Variants in SPATA6L observed in about 807,000 individuals in gnomAD.
The protein encoded by SPATA6L is spermatogenesis associated 6-like protein.
A neutral mutation model predicts 49.2 loss-of-function variants in SPATA6L; 68 were observed. The observed-to-expected ratio is 1.38, with a 90% CI of 1.14 to 1.69. SPATA6L has a LOEUF of 1.69. SPATA6L is among the 40% of genes most tolerant of loss of function. The pLI is 0.00. For missense variants in SPATA6L, 668 were observed against 464.3 expected (o/e 1.44, Z -4.03); for synonymous variants, 198 against 165.7 (o/e 1.19, Z -1.50).
At chr9:4,606,482 G>C (rs301457) in intron 9 of SPATA6L, among the ~76,000 whole-genome samples, 1,693 of 38,860 alleles carry the variant, frequency 0.044, 483 homozygotes, top group Middle Eastern at 0.11. Context: ...TCAAGTGGGT[G>C]CCTGACCCCT....
chr9:4,646,242 G>T, intron 3 of SPATA6L: 1 of 309,112 alleles, frequency 3.2e-6, no homozygotes, highest in Admixed American at 4.8e-5. Context: ...ATTAAAAAAT[G>T]GAAAGACAAG....
At chr9:4,610,694 C>G (rs567814952) in intron 9 of SPATA6L, among the ~76,000 whole-genome samples, 12 of 152,220 alleles carry the variant, frequency 7.9e-5, no homozygotes, top group African/African-American at 2.4e-4. Flanking sequence ...CATAAAAACC[C>G]TAGAAGAAAA....
intron 11 of SPATA6L, among the ~76,000 whole-genome samples, chr9:4,603,275 C>T (rs1823823261): frequency 6.6e-6 from 1 of 151,994 alleles, no homozygotes; most frequent in East Asian, 1.9e-4. Flanking sequence ...ACTAAAAATA[C>T]AAAAATTAGC....
At chr9:4,660,418 GAC>G (rs1321438333) in intron 2 of SPATA6L, among the ~76,000 whole-genome samples, 3 of 152,168 alleles carry the variant, frequency 2.0e-5, no homozygotes, top group Non-Finnish European at 4.4e-5. Flanking sequence ...ACAGCCAACA[GAC>G]ACATGAAAAA....
chr9:4,625,228 A>C, intron 6 of SPATA6L, 99 bp downstream of exon 6: 1 of 1,477,948 alleles, frequency 6.8e-7, no homozygotes, highest in Non-Finnish European at 9.0e-7. Flanking sequence ...TTTTTATTGA[A>C]TATTATTCAT....
At chr9:4,649,676 G>A (rs1836362565) in intron 3 of SPATA6L, among the ~76,000 whole-genome samples, 1 of 152,182 alleles carries the variant, frequency 6.6e-6, no homozygotes, top group African/African-American at 2.4e-5. Context: ...TAGGATGCTT[G>A]ATAAAATAAC....
chr9:4,654,771 G>C (rs1837725606), intron 3 of SPATA6L, among the ~76,000 whole-genome samples: 4 of 152,142 alleles, frequency 2.6e-5, no homozygotes, highest in Admixed American at 2.6e-4. Context: ...TCGATGTCCA[G>C]CCGCTTCTGT....
At position 4,605,403 on chromosome 9, in the gene SPATA6L, G is replaced by T; in HGVS notation, c.1033C>A (p.His345Asn). The change falls in exon 10 of 12, where the codon CAT becomes AAT. Residue 345 changes from histidine (H) to asparagine (N), a missense_variant. Coordinates refer to ENST00000682582, the MANE Select transcript of SPATA6L (RefSeq NM_001353486.2). ...PGSQSTWKNI[H>N]ERVCSLLTSH... is the part of the protein sequence containing the mutation. ...GTCAGAAGACTGCATACCCTCTCAT[G>T]GATATTCTTCCATGTGGACTGAGAA... The T allele has an allele frequency of 5.6e-6, 9 of 1,614,126 alleles. No individual in the cohort carries two copies. Among genetic ancestry groups the T allele is most frequent in the South Asian group, 1.1e-5 (1 of 91,078 alleles).
intron 3 of SPATA6L, among the ~76,000 whole-genome samples, chr9:4,655,323 A>G (rs77798076): frequency 0.039 from 5,951 of 152,324 alleles, 149 homozygotes; most frequent in Non-Finnish European, 0.058. Flanking sequence ...TTCATATGAA[A>G]TATCCAGAAT....
intron 3 of SPATA6L, among the ~76,000 whole-genome samples, chr9:4,640,940 C>A (rs1833898391): frequency 6.6e-6 from 1 of 152,152 alleles, no homozygotes; most frequent in African/African-American, 2.4e-5. Flanking sequence ...TCTTTTCAAA[C>A]AACTATTCTT....
intron 9 of SPATA6L, among the ~76,000 whole-genome samples, chr9:4,612,353 C>T (rs536532155): frequency 4.6e-5 from 7 of 152,152 alleles, no homozygotes; most frequent in Non-Finnish European, 1.5e-5. Flanking sequence ...CCAAACTGAA[C>T]CATAGGTTTG....
chr9:4,645,927 T>C (rs1323956275), intron 3 of SPATA6L, among the ~76,000 whole-genome samples: 1 of 152,220 alleles, frequency 6.6e-6, no homozygotes, highest in Non-Finnish European at 1.5e-5. Flanking sequence ...CTGTCCAATC[T>C]TATGAACATA....
intron 6 of SPATA6L, among the ~76,000 whole-genome samples, chr9:4,623,796 C>T (rs549521649): frequency 1.1e-4 from 16 of 152,172 alleles, no homozygotes; most frequent in African/African-American, 2.9e-4. Context: ...TTGTATTTTA[C>T]AATAATTTAT....
chr9:4,634,684 G>A (rs188952283), intron 4 of SPATA6L, among the ~76,000 whole-genome samples: 75 of 152,264 alleles, frequency 4.9e-4, no homozygotes, highest in East Asian at 1.5e-3. Flanking sequence ...CAAGAAAATC[G>A]TCAGGGTTGC....
chr9:4,663,240 T>G (rs772266617), intron 1 of SPATA6L: 1 of 1,613,836 alleles, frequency 6.2e-7, no homozygotes, highest in Admixed American at 1.7e-5. Context: ...TCCGGTCCTC[T>G]TTTTACTGTG....
intron 3 of SPATA6L, among the ~76,000 whole-genome samples, chr9:4,653,438 G>C (rs1364598119): frequency 1.3e-5 from 2 of 152,190 alleles, no homozygotes; most frequent in African/African-American, 2.4e-5. Flanking sequence ...TCATGACCTT[G>C]AGTTAGGCAA....
chr9:4,646,669 A>G (rs75957026), intron 3 of SPATA6L: 319 of 414,854 alleles, frequency 7.7e-4, no homozygotes, highest in Non-Finnish European at 1.0e-3. Flanking sequence ...CCAAACCAAC[A>G]TCAAATCAGG....
intron 3 of SPATA6L, among the ~76,000 whole-genome samples, chr9:4,646,144 A>ACACACACC: frequency 6.6e-6 from 1 of 151,384 alleles, no homozygotes. Context: ...ACACACACAC[A>ACACACACC]CCCCACAAAT....
intron 1 of SPATA6L, among the ~76,000 whole-genome samples, chr9:4,665,676 C>T (rs1263093120): frequency 6.6e-6 from 1 of 152,216 alleles, no homozygotes; most frequent in East Asian, 1.9e-4. Context: ...TGGAGTCACT[C>T]TGCCACAGCA....
Sources: allele counts gnomAD v4.1 joint callset (sites outside exome capture counted in the v4.1 genomes callset), GRCh38; gene constraint gnomAD v4.1.1; transcripts MANE v1.5; gene names NCBI Gene and HGNC (gene_info 2026-07-23, HGNC 2026-07-21).